The following EEF1D variants were observed in gnomAD, a reference collection of about 807,000 sequenced individuals.
EEF1D encodes the protein elongation factor 1-delta.
Under a neutral mutation model 63.9 loss-of-function variants are expected in EEF1D, and 47 were observed. That is an observed-to-expected ratio of 0.74 (90% CI 0.58 to 0.94). The LOEUF is 0.94. Ranked by LOEUF, EEF1D falls within the 40% of genes least tolerant of loss-of-function variation. The probability of loss-of-function intolerance (pLI) is 0.00; values close to 1 mark genes in which losing one functional copy is unlikely to be tolerated. For synonymous variants in EEF1D, 412 were observed against 386.1 expected (o/e 1.07, Z -0.79); for missense variants, 907 against 899.0 (o/e 1.01, Z -0.11).
At chr8:143,588,920 G>T (rs1827251262) in intron 3 of EEF1D, 71 bp downstream of exon 3, 18 of 1,509,506 alleles carry the variant, frequency 1.2e-5, no homozygotes, top group Non-Finnish European at 1.6e-5. Context: ...AGCTGGAGGA[G>T]CCCCAGCCTG....
Position 143,581,332 on chromosome 8 carries a change from C to A in EEF1D, c.1288-4G>T. 6.2e-7 allele frequency: 1 copy of A among 1,609,618 alleles called. No homozygotes were observed. Among genetic ancestry groups the A allele is most frequent in the African/African-American group, 1.3e-5 (1 of 74,998 alleles). ...TGGAGGCCCCGGGGCCTGAGCTCTG[C>A]AAGGCAGGAGGAGGGGAGGGCTCAG... On this transcript the variant is annotated splice_polypyrimidine_tract_variant and splice_region_variant and intron_variant, in intron 5 of 9. Coordinates refer to ENST00000618139, the MANE Select transcript of EEF1D (RefSeq NM_001130053.5).
chr8:143,589,215 G>A lies in EEF1D; in HGVS notation c.867C>T (p.Ala289=), dbSNP rs777069476. 34 of 1,582,434 alleles carry A rather than the reference G, an allele frequency of 2.1e-5. No homozygotes were observed. Among genetic ancestry groups the A allele is most frequent in the South Asian group, 2.0e-4 (18 of 87,872 alleles). Residue 289 remains alanine (A), a synonymous_variant, in exon 3 of 10, where the codon GCC becomes GCT. Transcript: ENST00000618139. ...CCTCCCCATCGGCCCGTCGCAGCCC[G>A]GCCCGCTTGTTCCCTAAGATGTTGC... ...RGRNILGNKR[A]GLRRADGEAP...
chr8:143,583,743 T>C (rs1256375685), intron 5 of EEF1D: 1 of 152,318 alleles, frequency 6.6e-6, no homozygotes, highest in Admixed American at 6.5e-5. Context: ...CAAAGCCACA[T>C]ACGAGTCCGC....
intron 2 of EEF1D, 46 bp downstream of exon 2, chr8:143,592,601 C>A: frequency 1.0e-6 from 1 of 985,620 alleles, no homozygotes; most frequent in Non-Finnish European, 1.2e-6. Flanking sequence ...GGGGGTTCCC[C>A]GGTCAAATGA....
At chr8:143,587,764 G>GT (rs1826990635) in intron 3 of EEF1D, among the ~76,000 whole-genome samples, 1 of 152,240 alleles carries the variant, frequency 6.6e-6, no homozygotes, top group South Asian at 2.1e-4. Context: ...CCAGCCTGTG[G>GT]TTTTACTGGC....
Position 143,589,032 on chromosome 8 carries a change from G to A in EEF1D, c.1050C>T (p.Pro350=), listed in dbSNP as rs142998821. ...ACACGGACAGGCCAGACCGAGGACC[G>A]GGTCGGTGAGACAGGGAGGCAGCTT... The part of the protein sequence containing the change: ...CLEAASLSHR[P]GPRSGLSVSS... The change falls in exon 3 of 10, where the codon CCC becomes CCT. Residue 350 remains proline, a synonymous_variant. Transcript: ENST00000618139. The A allele has an allele frequency of 1.1e-4, 179 of 1,602,814 alleles. No individual in the cohort carries two copies. The highest frequency in any genetic ancestry group is 3.7e-4 in the Middle Eastern group (2 of 5,372).
In EEF1D at chr8:143,587,119, A is replaced by G. The variant is rs565654877; in HGVS notation, c.1092-267T>C. ...CTCACACGAAGCTGGGTTTATGTCA[A>G]ACAGCTGAAGTGCGGAGGCAGGTAT... On this transcript the variant is annotated intron_variant, in intron 3 of 9. Transcript: ENST00000618139. 113 of 308,964 alleles carry G rather than the reference A, an allele frequency of 3.7e-4. 1 individual carries two copies. Among genetic ancestry groups the G allele is most frequent in the Admixed American group, 2.9e-3 (61 of 20,740 alleles). 19.1% of individuals were successfully genotyped at this position (308,964 alleles called of 1,614,324 possible).
At chr8:143,582,933 A>C (rs1214636448) in intron 5 of EEF1D, 1 of 152,300 alleles carries the variant, frequency 6.6e-6, no homozygotes, top group Non-Finnish European at 1.5e-5. Flanking sequence ...TGCAGTTCTG[A>C]AACCCCAGTG....
intron 5 of EEF1D, chr8:143,583,748 G>A (rs1587125459): frequency 1.3e-5 from 2 of 152,324 alleles, no homozygotes; most frequent in African/African-American, 4.8e-5. Flanking sequence ...CCACATACGA[G>A]TCCGCAGAGC....
In EEF1D at chr8:143,586,531, G is replaced by A. The variant is rs533397806; in HGVS notation, c.1215+198C>T. ...GCCCCACACCAAGTGCACAGGCGCC[G>A]GCAGGAGGGCCCTGAGCAGACCCGG... On this transcript the variant is annotated intron_variant, in intron 4 of 9. Transcript: ENST00000618139. Among the ~76,000 whole-genome samples, 14 of 152,258 alleles carry A rather than the reference G, an allele frequency of 9.2e-5. No individual in the cohort carries two copies. The South Asian group carries it at 1.7e-3, about 18-fold the overall frequency.
intron 1 of EEF1D, 58 bp from the exon 2 acceptor site, chr8:143,592,718 G>A: frequency 1.0e-6 from 1 of 985,728 alleles, no homozygotes; most frequent in Non-Finnish European, 1.2e-6. Context: ...GACTAACCGG[G>A]TCAGACACAG....
intron 5 of EEF1D, among the ~76,000 whole-genome samples, chr8:143,584,773 C>G (rs139615882): frequency 6.6e-6 from 1 of 152,238 alleles, no homozygotes; most frequent in Non-Finnish European, 1.5e-5. Flanking sequence ...CGGGGGGGAC[C>G]ATGGGCCACA....
At position 143,593,852 on chromosome 8, in the gene EEF1D, C is replaced by G. The variant is rs896513566; in HGVS notation, c.-14-1192G>C. On this transcript the variant is annotated intron_variant, in intron 1 of 9. Transcript: ENST00000618139. ...CCCACCTCCTCATTTCCCCGCTTCC[C>G]GCATTCCCAAGCATGGGAGGACCTG... is the stretch of plus-strand genomic sequence containing the variant. 4.1e-6 allele frequency: 4 copies of G among 985,280 alleles called. No individual in the cohort carries two copies. In the African/African-American group the frequency reaches 7.0e-5, roughly 17 times the overall value. The allele number at this position is 985,280 out of a possible 1,614,324, so 61.0% of individuals were successfully genotyped here.
rs1421647890 is a variant in EEF1D, at chr8:143,586,763, T to C, written c.1181A>G (p.Gln394Arg). ...GGCACCTGCCACAGGCCCGTTCATC[T>C]GCTCGTAGAATCTCCTTTCTGCGTC... The part of the protein sequence containing the change: ...YDDAERRFYE[Q>R]MNGPVAGASR... The change falls in exon 4 of 10, where the codon CAG becomes CGG. Residue 394 changes from glutamine (Q) to arginine (R), a missense_variant. Gln to Arg is a conservative substitution (Grantham distance 43, BLOSUM62 1). Coordinates refer to ENST00000618139, the MANE Select transcript of EEF1D (RefSeq NM_001130053.5). The C allele has an allele frequency of 1.9e-6, 3 of 1,614,046 alleles. No individual in the cohort carries two copies. In the African/African-American group the frequency reaches 4.0e-5, roughly 22 times the overall value.
At chr8:143,580,470 T>C (rs1261320791) in intron 8 of EEF1D, 36 bp downstream of exon 8, 1 of 1,595,004 alleles carries the variant, frequency 6.3e-7, no homozygotes, top group Admixed American at 1.7e-5. Context: ...ACCAGGGCAG[T>C]GCCTGGCCCC....
intron 1 of EEF1D, among the ~76,000 whole-genome samples, chr8:143,595,200 G>C (rs1828601763): frequency 6.6e-6 from 1 of 151,698 alleles, no homozygotes; most frequent in Non-Finnish European, 1.5e-5. Flanking sequence ...CTCCCAAGTA[G>C]CTGGGATTAC....
chr8:143,581,383 C>A, intron 5 of EEF1D, 55 bp from the exon 6 acceptor site: 1 of 1,521,394 alleles, frequency 6.6e-7, no homozygotes, highest in Non-Finnish European at 9.0e-7. Context: ...TAGGGTCCCC[C>A]TGCCATGCTC....
In EEF1D at chr8:143,589,050, G is replaced by A; in HGVS notation, c.1032C>T (p.Ala344=). 2 of 1,606,382 alleles carry A rather than the reference G, an allele frequency of 1.2e-6. No individual in the cohort carries two copies. Among genetic ancestry groups the A allele is most frequent in the Non-Finnish European group, 8.5e-7 (1 of 1,179,528 alleles). The change falls in exon 3 of 10, where the codon GCC becomes GCT. Residue 344 remains alanine, a synonymous_variant. Transcript: ENST00000618139. ...ALRVAWCLEA[A]SLSHRPGPRS... is the part of the protein sequence containing the mutation. Reference sequence around the variant, plus strand: ...GAGGACCGGGTCGGTGAGACAGGGAGGCAGCTTCGAGGCACCAGGCCACCC... The same window carrying A: ...GAGGACCGGGTCGGTGAGACAGGGAAGCAGCTTCGAGGCACCAGGCCACCC...
At chr8:143,588,300 G>A (rs899297839) in intron 3 of EEF1D, among the ~76,000 whole-genome samples, 6 of 152,196 alleles carry the variant, frequency 3.9e-5, no homozygotes, top group Admixed American at 2.6e-4. Flanking sequence ...CAACAGGCCA[G>A]CCTCGCCACT....
Sources: gnomAD v4.1 joint callset for allele counts (sites outside exome capture counted in the v4.1 genomes callset) on GRCh38, gnomAD v4.1.1 for gene constraint, MANE v1.5 for transcripts, NCBI Gene and HGNC (gene_info 2026-07-23, HGNC 2026-07-21) for gene names.